ATL2: variants seen among roughly 807,000 people sequenced by gnomAD.
The protein encoded by ATL2 is atlastin GTPase 2, also known as atlastin-2.
In ATL2, 31 loss-of-function variants were observed where a neutral mutation model predicts 73.9. That is an observed-to-expected ratio of 0.42 (90% CI 0.32 to 0.57). The LOEUF (loss-of-function observed/expected upper bound fraction) is 0.57. Among genes scored for constraint, ATL2 ranks in the 20% least tolerant of loss-of-function variants. The probability of loss-of-function intolerance (pLI) is 0.14; values close to 1 mark genes in which losing one functional copy is unlikely to be tolerated. For synonymous variants in ATL2, 291 were observed against 237.5 expected (o/e 1.23, Z -2.07); for missense variants, 738 against 702.6 (o/e 1.05, Z -0.57).
intron 1 of ATL2, among the ~76,000 whole-genome samples, chr2:38,360,732 C>G (rs898501576): frequency 1.3e-5 from 2 of 151,978 alleles, no homozygotes; most frequent in Non-Finnish European, 2.9e-5. Context: ...CTCTTAGGTA[C>G]TTTTTTGGGG....
intron 9 of ATL2, among the ~76,000 whole-genome samples, chr2:38,304,618 C>T (rs1319216403): frequency 6.6e-6 from 1 of 152,038 alleles, no homozygotes; most frequent in Non-Finnish European, 1.5e-5. Flanking sequence ...GGTATACTAT[C>T]AATAGAAACA....
chr2:38,343,987 C>A (rs1046995427), intron 1 of ATL2, among the ~76,000 whole-genome samples: 2 of 151,994 alleles, frequency 1.3e-5, no homozygotes, highest in Non-Finnish European at 2.9e-5. Flanking sequence ...TCCATTAAAC[C>A]TCTTTCTTTT....
intron 2 of ATL2, among the ~76,000 whole-genome samples, chr2:38,334,088 G>A (rs1164204207): frequency 7.1e-6 from 1 of 140,374 alleles, no homozygotes; most frequent in African/African-American, 2.8e-5. Context: ...GGAATACAGT[G>A]GCATGGTCTC....
chr2:38,368,367 C>T (rs886696650), intron 1 of ATL2, among the ~76,000 whole-genome samples: 3 of 151,972 alleles, frequency 2.0e-5, no homozygotes, highest in African/African-American at 7.3e-5. Flanking sequence ...ATTCTCCTGC[C>T]TCAGCCTCCC....
At chr2:38,329,884 T>C (rs1012775026) in intron 2 of ATL2, among the ~76,000 whole-genome samples, 1 of 152,118 alleles carries the variant, frequency 6.6e-6, no homozygotes, top group Non-Finnish European at 1.5e-5. Flanking sequence ...ATCCCAACAC[T>C]TTGGGAGGCC....
intron 1 of ATL2, among the ~76,000 whole-genome samples, chr2:38,362,153 A>C (rs1671051249): frequency 6.6e-6 from 1 of 152,220 alleles, no homozygotes; most frequent in Non-Finnish European, 1.5e-5. Context: ...GAATAGGTTT[A>C]AAGGGCTTGT....
chr2:38,326,311 C>A (rs6745929), intron 2 of ATL2, among the ~76,000 whole-genome samples: 1 of 151,968 alleles, frequency 6.6e-6, no homozygotes, highest in African/African-American at 2.4e-5. Context: ...ACGTTAAACA[C>A]AGCCCATCTC....
intron 1 of ATL2, among the ~76,000 whole-genome samples, chr2:38,356,287 C>T (rs1234684704): frequency 6.6e-6 from 1 of 151,542 alleles, no homozygotes; most frequent in African/African-American, 2.4e-5. Context: ...GGTGCGATCT[C>T]GGCTCAAGCA....
intron 1 of ATL2, among the ~76,000 whole-genome samples, chr2:38,362,959 C>T (rs1016780427): frequency 6.6e-6 from 1 of 152,178 alleles, no homozygotes; most frequent in Admixed American, 6.5e-5. Flanking sequence ...TTATTAGTAA[C>T]TTTCTCATCC....
chr2:38,357,104 T>G (rs1208327425), intron 1 of ATL2, among the ~76,000 whole-genome samples: 1 of 151,774 alleles, frequency 6.6e-6, no homozygotes, highest in Non-Finnish European at 1.5e-5. Flanking sequence ...CCGAGGCAGG[T>G]GGATCATGAG....
chr2:38,372,166 A>C (rs1671729638), intron 1 of ATL2, among the ~76,000 whole-genome samples: 1 of 143,492 alleles, frequency 7.0e-6, no homozygotes, highest in Non-Finnish European at 1.5e-5. Context: ...AACAGACCCA[A>C]GTTAGATTTT....
chr2:38,300,971 C>CTTTTTTTTTTTTTTT (rs1325860466), intron 9 of ATL2, among the ~76,000 whole-genome samples: 1 of 143,832 alleles, frequency 7.0e-6, no homozygotes, highest in African/African-American at 2.9e-5. Flanking sequence ...TTCATCTCAA[C>CTTTTTTTTTTTTTTT]TTTCTTTTTT....
Position 38,343,419 on chromosome 2 carries a change from T to C in ATL2, c.212A>G (p.His71Arg), listed in dbSNP as rs769509503. 2.5e-5 allele frequency: 41 copies of C among 1,613,452 alleles called. No individual in the cohort carries two copies. The highest frequency in any genetic ancestry group is 3.2e-5 in the Non-Finnish European group (38 of 1,179,878). Reference protein sequence around the residue: ...VQIVLAHEDDHNFELDEEALE... With the variant: ...VQIVLAHEDDRNFELDEEALE... The stretch of plus-strand genomic sequence containing the variant: ...AGCTTCTTCATCAAGTTCAAAGTTA[T>C]GGTCATCTTCATGAGCAAGAACAAT... Residue 71 changes from histidine (H) to arginine (R), a missense_variant, in exon 2 of 13, where the codon CAT (histidine) becomes CGT (arginine). By Grantham distance (29) the His-to-Arg change is conservative (BLOSUM62 0). Coordinates refer to ENST00000378954, the MANE Select transcript of ATL2 (RefSeq NM_001135673.4).
Position 38,295,472 on chromosome 2 carries a change from A to C in ATL2, c.*522T>G, listed in dbSNP as rs1666842711. ...TCTTAGCTACAAGAGTTGCCATGTA[A>C]TTTCTGTGAAGTTTCTGATACATGC... On this transcript the variant is annotated 3_prime_UTR_variant, in exon 13 of 13. Transcript: ENST00000378954. 6.6e-6 allele frequency: 1 copy of C among 152,222 alleles called. No homozygotes were observed. Among genetic ancestry groups the C allele is most frequent in the African/African-American group, 2.4e-5 (1 of 41,446 alleles). The allele number at this position is 152,222 out of a possible 1,614,324, so 9.4% of individuals were successfully genotyped here.
chr2:38,368,788 C>T (rs974444601), intron 1 of ATL2, among the ~76,000 whole-genome samples: 38 of 152,070 alleles, frequency 2.5e-4, no homozygotes, highest in African/African-American at 8.7e-4. Context: ...TATTAAAAAG[C>T]AATTAATAAA....
At chr2:38,319,803 T>C (rs955184834) in intron 2 of ATL2, among the ~76,000 whole-genome samples, 3 of 152,132 alleles carry the variant, frequency 2.0e-5, no homozygotes, top group Admixed American at 1.3e-4. Context: ...CTTCATTTCC[T>C]CTTTAAAAAA....
chr2:38,369,401 C>T (rs114980504), intron 1 of ATL2, among the ~76,000 whole-genome samples: 5,353 of 152,200 alleles, frequency 0.035, 125 homozygotes, highest in African/African-American at 0.06. Context: ...CGAGACTGCT[C>T]TACTGCACTC....
intron 1 of ATL2, among the ~76,000 whole-genome samples, chr2:38,355,325 T>A (rs1176626359): frequency 1.3e-5 from 2 of 152,076 alleles, no homozygotes; most frequent in Admixed American, 6.6e-5. Flanking sequence ...CAGGGTTTCA[T>A]CACATTGGTC....
intron 6 of ATL2, among the ~76,000 whole-genome samples, chr2:38,313,621 G>A (rs529896095): frequency 6.6e-6 from 1 of 152,008 alleles, no homozygotes; most frequent in African/African-American, 2.4e-5. Context: ...ATAGATCTGG[G>A]GTCAATAAGG....
Sources: allele counts gnomAD v4.1 joint callset (sites outside exome capture counted in the v4.1 genomes callset), GRCh38; gene constraint gnomAD v4.1.1; transcripts MANE v1.5; gene names NCBI Gene and HGNC (gene_info 2026-07-23, HGNC 2026-07-21).